Variants in MMP19 observed in about 807,000 individuals in gnomAD.
MMP19 encodes matrix metalloproteinase-19.
MMP19 carries 47 observed loss-of-function variants against 46.6 expected under a neutral mutation model. The observed-to-expected ratio is 1.01, with a 90% CI of 0.80 to 1.29. MMP19 has a LOEUF of 1.29. Among genes scored for constraint, MMP19 ranks in the 50% most tolerant of loss-of-function variants. MMP19 has a pLI of 0.00. For synonymous variants in MMP19, 222 were observed against 248.5 expected (o/e 0.89, Z 1.00); for missense variants, 589 against 643.5 (o/e 0.92, Z 0.92).
chr12:55,839,241 CAAAAA>C (rs763182567), intron 5 of MMP19, among the ~76,000 whole-genome samples: 1 of 58,776 alleles, frequency 1.7e-5, no homozygotes, highest in Non-Finnish European at 3.4e-5. Context: ...GGCTCTATCT[CAAAAA>C]AAAAAAAAAA....
chr12:55,840,616 C>T (rs1881613431), intron 4 of MMP19, 51 bp downstream of exon 4: 1 of 1,548,088 alleles, frequency 6.5e-7, no homozygotes, highest in Non-Finnish European at 8.8e-7. Context: ...TTCAAGGAGA[C>T]AGAGGTAATC....
Position 55,841,237 on chromosome 12 carries a change from CT to C in MMP19, c.174-2del. On this transcript the variant is annotated splice_acceptor_variant, in intron 2 of 8. Transcript: ENST00000322569. LOFTEE classifies it high-confidence loss of function. ...AAGTTCAGATGCTTCCTGAAAAGCT[CT>C]GAAGGAGGGAGAGGGATGGGTCTAC... 1 of 1,611,824 alleles carries C rather than the reference CT, an allele frequency of 6.2e-7. No homozygotes were observed. The highest frequency in any genetic ancestry group is 1.1e-5 in the South Asian group (1 of 91,070).
At position 55,836,899 on chromosome 12, in the gene MMP19, A is replaced by G. The variant is rs1357614719; in HGVS notation, c.*137T>C. On this transcript the variant is annotated 3_prime_UTR_variant, in exon 9 of 9. Transcript: ENST00000322569. ...TGAGATCTACGGTCTTGCGCCTGCT[A>G]CAGCACCTGCAAGGTTCTACTGAGC... 1.3e-6 allele frequency: 1 copy of G among 791,874 alleles called. No homozygotes were observed. The highest frequency in any genetic ancestry group is 2.7e-5 in the Admixed American group (1 of 37,038). The allele number at this position is 791,874 out of a possible 1,614,324, so 49.1% of individuals were successfully genotyped here. A position where few individuals can be genotyped will look rare whatever the true frequency, so the allele number is the denominator to read the frequency against.
intron 5 of MMP19, 131 bp from the exon 6 acceptor site, chr12:55,838,865 GTAGGCAA>G: frequency 1.4e-6 from 1 of 703,188 alleles, no homozygotes; most frequent in Admixed American, 2.8e-5. Context: ...TTCATTTGTG[GTAGGCAA>G]TATTATGTTG....
intron 5 of MMP19, 24 bp downstream of exon 5, chr12:55,839,472 C>G (rs369524350): frequency 1.9e-6 from 3 of 1,582,472 alleles, no homozygotes; most frequent in Non-Finnish European, 2.6e-6. Flanking sequence ...CTGACCCTCC[C>G]CCTCACTAGG....
rs983163898 is a variant in MMP19, at chr12:55,836,244, G to A, written c.*792C>T. ...TGTGAATAAAATGGCATTAAATACT[G>A]AACCAGGGAGTCCAGCCTCTGCTGT... On this transcript the variant is annotated 3_prime_UTR_variant, in exon 9 of 9. Coordinates refer to ENST00000322569, the MANE Select transcript of MMP19 (RefSeq NM_002429.6). 3 of 152,206 alleles carry A rather than the reference G, an allele frequency of 2.0e-5. No individual in the cohort carries two copies. The highest frequency in any genetic ancestry group is 4.4e-5 in the Non-Finnish European group (3 of 68,056). The allele number at this position is 152,206 out of a possible 1,614,324, so 9.4% of individuals were successfully genotyped here.
chr12:55,840,794 T>C lies in MMP19; in HGVS notation c.393A>G (p.Gln131=), dbSNP rs556469160. The part of the protein sequence containing the change: ...PPHTARAALR[Q]AFQDWSNVAP... ...CCACATTGCTCCAGTCCTGGAAGGC[T>C]TGACGCAGGGCTGCCCGGGCTGTGT... is the stretch of plus-strand genomic sequence containing the variant. The change falls in exon 4 of 9, where the codon CAA becomes CAG. Residue 131 remains glutamine, a synonymous_variant. Coordinates refer to ENST00000322569, the MANE Select transcript of MMP19 (RefSeq NM_002429.6). 3 of 1,613,594 alleles carry C rather than the reference T, an allele frequency of 1.9e-6. No homozygotes were observed. The highest frequency in any genetic ancestry group is 2.2e-5 in the East Asian group (1 of 44,862).
In MMP19 at chr12:55,842,896, G is replaced by T; in HGVS notation, c.-66C>A. The T allele has an allele frequency of 7.6e-7, 1 of 1,313,490 alleles. No homozygotes were observed. 81.4% of individuals were successfully genotyped at this position (1,313,490 alleles called of 1,614,324 possible). ...TGACCTGAGATTTCTGGGAGCCTTG[G>T]GGGAGCAGTGCTAGGCAGAGGGGCT... On this transcript the variant is annotated 5_prime_UTR_variant, in exon 1 of 9. Transcript: ENST00000322569.
intron 5 of MMP19, 65 bp downstream of exon 5, chr12:55,839,431 T>G: frequency 6.5e-7 from 1 of 1,528,362 alleles, no homozygotes; most frequent in Non-Finnish European, 8.8e-7. Context: ...AGGCTAGACC[T>G]GTCTCTTCAA....
intron 4 of MMP19, 21 bp from the exon 5 acceptor site, chr12:55,839,762 A>G (rs1401965080): frequency 6.2e-7 from 1 of 1,600,872 alleles, no homozygotes; most frequent in South Asian, 1.1e-5. Context: ...GCAAAGGTGA[A>G]CAGGAAGGAG....
intron 6 of MMP19, chr12:55,838,325 C>T (rs1172787063): frequency 2.9e-6 from 2 of 679,632 alleles, no homozygotes; most frequent in East Asian, 2.7e-5. Context: ...CTCTAACAGG[C>T]AATCTGGGTA....
Position 55,840,715 on chromosome 12 carries a change from A to G in MMP19, c.472T>C (p.Phe158Leu), listed in dbSNP as rs147680624. The G allele has an allele frequency of 8.9e-5, 144 of 1,614,080 alleles. 1 individual carries two copies. In the African/African-American group the frequency reaches 1.5e-3, roughly 17 times the overall value. The change falls in exon 4 of 9, where the codon TTC (phenylalanine) becomes CTC (leucine). Residue 158 changes from phenylalanine (F) to leucine (L), a missense_variant. By Grantham distance (22) the Phe-to-Leu change is conservative (BLOSUM62 0). Coordinates refer to ENST00000322569, the MANE Select transcript of MMP19 (RefSeq NM_002429.6). ...QAGAADIRLS[F>L]HGRQSSYCSN... ...CAGTACGAGCTTTGGCGGCCATGGAAGGAGAGGCGGATGTCAGCCGCACCA... is the reference window on the plus strand; with the variant it reads ...CAGTACGAGCTTTGGCGGCCATGGAGGGAGAGGCGGATGTCAGCCGCACCA...
chr12:55,839,027 C>T (rs1385216816), intron 5 of MMP19, among the ~76,000 whole-genome samples: 1 of 151,912 alleles, frequency 6.6e-6, no homozygotes. Context: ...ATTGCCTGAG[C>T]TCAGGAATTT....
rs1194147673 is a variant in MMP19, at chr12:55,836,337, TA to T, written c.*698del. 3.3e-5 allele frequency: 5 copies of T among 152,320 alleles called. No homozygotes were observed. The highest frequency in any genetic ancestry group is 1.2e-4 in the African/African-American group (5 of 41,572). 9.4% of individuals were successfully genotyped at this position (152,320 alleles called of 1,614,324 possible). A position where few individuals can be genotyped will look rare whatever the true frequency, so the allele number is the denominator to read the frequency against. ...CCATCTTGACAAATCCTCTGTCCCC[TA>T]AAGATCTAATAGAGATGCCCTTATT... On this transcript the variant is annotated 3_prime_UTR_variant, in exon 9 of 9. Coordinates refer to ENST00000322569, the MANE Select transcript of MMP19 (RefSeq NM_002429.6).
intron 7 of MMP19, 44 bp downstream of exon 7, chr12:55,837,799 G>A (rs183740545): frequency 2.5e-6 from 4 of 1,593,838 alleles, no homozygotes; most frequent in African/African-American, 1.3e-5. Flanking sequence ...GTTTCTTTAA[G>A]ATTAGGCCCT....
rs771547041 is a variant in MMP19 at position 55,842,717 on chromosome 12, C to T, written c.87+27G>A. On this transcript the variant is annotated intron_variant, in intron 1 of 8. Coordinates refer to ENST00000322569, the MANE Select transcript of MMP19 (RefSeq NM_002429.6). Reference sequence around the variant, plus strand: ...GCAGTAACCCCTGTCCCTCCGCTGGCCCAGGTCTCTTTCTTGGGGGACTTA... The same window carrying T: ...GCAGTAACCCCTGTCCCTCCGCTGGTCCAGGTCTCTTTCTTGGGGGACTTA... The T allele has an allele frequency of 2.7e-5, 42 of 1,568,610 alleles. No homozygotes were observed. The South Asian group carries it at 4.3e-4, about 16-fold the overall frequency.
intron 2 of MMP19, 33 bp downstream of exon 2, chr12:55,842,320 A>G: frequency 6.4e-7 from 1 of 1,553,702 alleles, no homozygotes; most frequent in Non-Finnish European, 8.9e-7. Context: ...TTGAGACCTT[A>G]GCCCTAAAGG....
chr12:55,842,607 G>A, intron 1 of MMP19, 137 bp downstream of exon 1: 2 of 863,808 alleles, frequency 2.3e-6, no homozygotes. Context: ...AGCGGGAGAT[G>A]GGCAGGGTAG....
At position 55,839,881 on chromosome 12, in the gene MMP19, C is replaced by A. The variant is rs900060006; in HGVS notation, c.521-140G>T. ...CACTGTCTCTTGGATGCTTCTTTCT[C>A]CCCTTTCAGATTCCCCTGTCATCAC... On this transcript the variant is annotated intron_variant, in intron 4 of 8. Coordinates refer to ENST00000322569, the MANE Select transcript of MMP19 (RefSeq NM_002429.6). The A allele has an allele frequency of 1.5e-5, 18 of 1,172,398 alleles. No homozygotes were observed. In the Middle Eastern group the frequency reaches 7.4e-4, roughly 48 times the overall value. The allele number at this position is 1,172,398 out of a possible 1,614,324, so 72.6% of individuals were successfully genotyped here.
Sources: gnomAD v4.1 joint callset for allele counts (sites outside exome capture counted in the v4.1 genomes callset) on GRCh38, gnomAD v4.1.1 for gene constraint, MANE v1.5 for transcripts, NCBI Gene and HGNC (gene_info 2026-07-23, HGNC 2026-07-21) for gene names.